The following SLC41A2 variants were observed in gnomAD, a reference collection of about 807,000 sequenced individuals.
SLC41A2 encodes the protein solute carrier family 41 member 2.
A neutral mutation model predicts 58.3 loss-of-function variants in SLC41A2; 32 were observed. The observed-to-expected ratio is 0.55, with a 90% CI of 0.41 to 0.74. The LOEUF is 0.74. SLC41A2 is among the 30% of genes least tolerant of loss of function. The probability of loss-of-function intolerance (pLI) is 0.00; values close to 1 mark genes in which losing one functional copy is unlikely to be tolerated. For missense variants in SLC41A2, 514 were observed against 680.6 expected, an observed-to-expected ratio of 0.76 and a Z score of 2.72; for synonymous variants, 190 against 235.0, an observed-to-expected ratio of 0.81 and a Z score of 1.75.
At position 104,892,325 on chromosome 12, in the gene SLC41A2, AT is replaced by A. The variant is rs1336051222; in HGVS notation, c.735+2948del. The stretch of plus-strand genomic sequence containing the variant: ...AAAAAATAAAATAAAATAAAATAAA[AT>A]AAAATAAAATATTGATGCAAGAAAT... On this transcript the variant is annotated intron_variant, in intron 4 of 10. Transcript: ENST00000258538. 2.1e-3 allele frequency among the ~76,000 whole-genome samples: 303 copies of A among 141,038 alleles called. 26 individuals are homozygous for A. Among genetic ancestry groups the A allele is most frequent in the African/African-American group, 9.0e-3 (289 of 32,280 alleles). The allele number at this position is 141,038 out of a possible 152,430, so 92.5% of individuals were successfully genotyped here.
intron 10 of SLC41A2, among the ~76,000 whole-genome samples, chr12:104,813,462 A>G (rs1592919290): frequency 6.6e-6 from 1 of 152,296 alleles, no homozygotes; most frequent in Admixed American, 6.5e-5. Flanking sequence ...GTCAATAGAT[A>G]ATTTCTCAAG....
chr12:104,930,199 G>C (rs1227825624), intron 1 of SLC41A2, among the ~76,000 whole-genome samples: 2 of 65,118 alleles, frequency 3.1e-5, no homozygotes, highest in East Asian at 8.6e-4. Context: ...ACTTCCTGTG[G>C]ACTTGCAATG....
chr12:104,822,153 A>G (rs1347672855), intron 10 of SLC41A2, among the ~76,000 whole-genome samples: 1 of 152,262 alleles, frequency 6.6e-6, no homozygotes, highest in African/African-American at 2.4e-5. Flanking sequence ...AAAAGTGTGA[A>G]TGAAGCATAT....
chr12:104,827,651 C>A lies in SLC41A2; in HGVS notation c.1536+16821G>T, dbSNP rs540298573. ...TAACCTTATAAAACTTGTTTTTTTT[C>A]TCTCATGCCTAGAAGCCATCAAACT... On this transcript the variant is annotated intron_variant, in intron 10 of 10. Coordinates refer to ENST00000258538, the MANE Select transcript of SLC41A2 (RefSeq NM_001352171.3). Among the ~76,000 whole-genome samples the A allele has an allele frequency of 1.1e-3, 170 of 151,364 alleles. 1 individual carries two copies. The highest frequency in any genetic ancestry group is 3.9e-3 in the African/African-American group (159 of 40,930).
chr12:104,861,714 G>A (rs1191616736), intron 7 of SLC41A2, among the ~76,000 whole-genome samples: 3 of 151,920 alleles, frequency 2.0e-5, no homozygotes, highest in South Asian at 2.1e-4. Flanking sequence ...GGGGACTGAC[G>A]GTCATTTTAT....
chr12:104,937,783 A>C (rs1035959078), intron 1 of SLC41A2, among the ~76,000 whole-genome samples: 1 of 152,190 alleles, frequency 6.6e-6, no homozygotes, highest in African/African-American at 2.4e-5. Flanking sequence ...CCTGAATCAA[A>C]GTCTGTACTT....
intron 4 of SLC41A2, among the ~76,000 whole-genome samples, chr12:104,892,667 A>G (rs189623856): frequency 6.6e-6 from 1 of 152,276 alleles, no homozygotes; most frequent in Admixed American, 6.5e-5. Context: ...ACACAAACCA[A>G]TGGAAGAGAA....
At chr12:104,827,423 T>C (rs1223017738) in intron 10 of SLC41A2, among the ~76,000 whole-genome samples, 1 of 151,916 alleles carries the variant, frequency 6.6e-6, no homozygotes, top group Non-Finnish European at 1.5e-5. Context: ...ATTCCCAGAG[T>C]GCACCTGTTA....
intron 1 of SLC41A2, among the ~76,000 whole-genome samples, chr12:104,935,367 CAA>C (rs764380213): frequency 7.0e-6 from 1 of 143,858 alleles, no homozygotes; most frequent in Admixed American, 7.2e-5. Flanking sequence ...ATTCTCACCA[CAA>C]AAAAAAGTCA....
intron 8 of SLC41A2, 73 bp from the exon 9 acceptor site, chr12:104,846,047 G>A: frequency 6.8e-7 from 1 of 1,472,254 alleles, no homozygotes; most frequent in Non-Finnish European, 9.3e-7. Flanking sequence ...CCAAAAGCAA[G>A]CCTCTTCGTG....
At chr12:104,916,542 T>C (rs1194880339) in intron 2 of SLC41A2, among the ~76,000 whole-genome samples, 29 of 152,070 alleles carry the variant, frequency 1.9e-4, no homozygotes, top group African/African-American at 6.3e-4. Flanking sequence ...AAGAACAAAG[T>C]TGGAGGCATC....
intron 10 of SLC41A2, among the ~76,000 whole-genome samples, chr12:104,806,147 T>C (rs1375995984): frequency 7.2e-5 from 11 of 152,192 alleles, no homozygotes. Flanking sequence ...ATGTGCCATG[T>C]TGGTGTGCTG....
intron 1 of SLC41A2, among the ~76,000 whole-genome samples, chr12:104,954,012 A>G (rs2048055687): frequency 6.6e-6 from 1 of 152,146 alleles, no homozygotes; most frequent in Non-Finnish European, 1.5e-5. Flanking sequence ...CTGTCTTTAT[A>G]TCCTACAATC....
chr12:104,827,337 G>A (rs555815459), intron 10 of SLC41A2, among the ~76,000 whole-genome samples: 3 of 152,302 alleles, frequency 2.0e-5, no homozygotes, highest in East Asian at 3.9e-4. Flanking sequence ...GAGACAGGGA[G>A]GCCCAGCAAA....
chr12:104,920,679 C>T (rs1008190545), intron 2 of SLC41A2, among the ~76,000 whole-genome samples: 1 of 152,008 alleles, frequency 6.6e-6, no homozygotes, highest in Non-Finnish European at 1.5e-5. Context: ...AATCCCAGCA[C>T]TTTGGGAGGC....
intron 1 of SLC41A2, among the ~76,000 whole-genome samples, chr12:104,936,851 CAAAG>C (rs1405908625): frequency 6.6e-6 from 1 of 151,868 alleles, no homozygotes; most frequent in South Asian, 2.1e-4. Context: ...AATAAGGAAA[CAAAG>C]AAGGAAAATA....
intron 10 of SLC41A2, among the ~76,000 whole-genome samples, chr12:104,825,658 CTA>C (rs1448225406): frequency 6.6e-6 from 1 of 152,166 alleles, no homozygotes; most frequent in Non-Finnish European, 1.5e-5. Flanking sequence ...TTGAGACACT[CTA>C]AACAGATACA....
chr12:104,814,578 T>C (rs2136215748), intron 10 of SLC41A2, among the ~76,000 whole-genome samples: 1 of 152,156 alleles, frequency 6.6e-6, no homozygotes, highest in African/African-American at 2.4e-5. Context: ...GCTCTATCAC[T>C]GAATAACTGT....
chr12:104,830,385 C>T (rs1242397233), intron 10 of SLC41A2, among the ~76,000 whole-genome samples: 1 of 152,136 alleles, frequency 6.6e-6, no homozygotes. Flanking sequence ...TTATATAATA[C>T]CTAATATAAT....
Sources: allele counts gnomAD v4.1 joint callset (sites outside exome capture counted in the v4.1 genomes callset), GRCh38; gene constraint gnomAD v4.1.1; transcripts MANE v1.5; gene names NCBI Gene and HGNC (gene_info 2026-07-23, HGNC 2026-07-21).